Variants in GRIK4 observed in about 807,000 individuals in gnomAD.
GRIK4 encodes the protein glutamate receptor ionotropic, kainate 4.
A neutral mutation model predicts 104.9 loss-of-function variants in GRIK4; 40 were observed. That is an observed-to-expected ratio of 0.38 (90% CI 0.30 to 0.50). The LOEUF is 0.50. Among genes scored for constraint, GRIK4 ranks in the 20% least tolerant of loss-of-function variants. GRIK4 has a pLI of 0.93. For synonymous variants in GRIK4, 485 were observed against 524.9 expected (o/e 0.92, Z 1.04); for missense variants, 1,047 against 1,308.1 (o/e 0.80, Z 3.08).
chr11:120,620,168 C>A, intron 1 of GRIK4: 1 of 840,872 alleles, frequency 1.2e-6, no homozygotes, highest in South Asian at 1.3e-5. Flanking sequence ...AATGCATGTT[C>A]TCTTTTTACA....
chr11:120,572,573 C>T (rs1397358868), intron 1 of GRIK4, among the ~76,000 whole-genome samples: 2 of 152,176 alleles, frequency 1.3e-5, no homozygotes, highest in African/African-American at 4.8e-5. Context: ...TGTCTGGGCT[C>T]TTTCTCTCCC....
intron 3 of GRIK4, among the ~76,000 whole-genome samples, chr11:120,664,939 T>C (rs949812689): frequency 6.6e-6 from 1 of 152,018 alleles, no homozygotes; most frequent in African/African-American, 2.4e-5. Flanking sequence ...GGTTTCCCTG[T>C]GTGGTAAAGC....
intron 4 of GRIK4, among the ~76,000 whole-genome samples, chr11:120,803,390 C>G (rs1255537393): frequency 6.6e-6 from 1 of 152,122 alleles, no homozygotes; most frequent in African/African-American, 2.4e-5. Context: ...GAATACTAGG[C>G]TCTATTTTGC....
chr11:120,981,536 C>T (rs1944652504), intron 19 of GRIK4, among the ~76,000 whole-genome samples: 2 of 152,282 alleles, frequency 1.3e-5, no homozygotes, highest in Middle Eastern at 3.4e-3. Flanking sequence ...AGTCAGCTTT[C>T]TAGGCAGTTC....
intron 1 of GRIK4, among the ~76,000 whole-genome samples, chr11:120,551,654 G>C (rs1309081431): frequency 1.3e-5 from 2 of 152,018 alleles, no homozygotes; most frequent in Non-Finnish European, 2.9e-5. Context: ...GGTGGTGGGC[G>C]CCTTTAGTCC....
intron 3 of GRIK4, among the ~76,000 whole-genome samples, chr11:120,681,684 TAA>T (rs1950195495): frequency 6.6e-6 from 1 of 152,190 alleles, no homozygotes; most frequent in Admixed American, 6.5e-5. Flanking sequence ...TGGATTTTAA[TAA>T]AGTTTCCAGC....
At chr11:120,576,933 G>A (rs964058640) in intron 1 of GRIK4, among the ~76,000 whole-genome samples, 1 of 152,324 alleles carries the variant, frequency 6.6e-6, no homozygotes. Context: ...GAGCTGGAAG[G>A]ACTCAGCTCC....
intron 1 of GRIK4, among the ~76,000 whole-genome samples, chr11:120,529,658 G>T (rs1947902665): frequency 6.6e-6 from 1 of 152,242 alleles, no homozygotes; most frequent in Admixed American, 6.5e-5. Flanking sequence ...AGGTGGAGAT[G>T]ATTTCAATGT....
intron 3 of GRIK4, among the ~76,000 whole-genome samples, chr11:120,671,206 G>C (rs1476212469): frequency 6.6e-6 from 1 of 152,120 alleles, no homozygotes; most frequent in Non-Finnish European, 1.5e-5. Context: ...ATAATCCTTT[G>C]GGTATATACC....
intron 1 of GRIK4, among the ~76,000 whole-genome samples, chr11:120,565,346 A>G (rs997162260): frequency 1.3e-5 from 2 of 152,254 alleles, no homozygotes; most frequent in Admixed American, 6.5e-5. Context: ...CCCACTTTCC[A>G]GTGAGCTGCT....
intron 3 of GRIK4, among the ~76,000 whole-genome samples, chr11:120,742,327 C>G (rs1951347111): frequency 7.9e-6 from 1 of 126,658 alleles, no homozygotes; most frequent in Non-Finnish European, 1.6e-5. Flanking sequence ...GTCTGGGCCA[C>G]AGAGCAAGAC....
intron 1 of GRIK4, among the ~76,000 whole-genome samples, chr11:120,556,714 C>T (rs563643171): frequency 6.6e-5 from 10 of 152,294 alleles, no homozygotes; most frequent in African/African-American, 2.4e-4. Flanking sequence ...ACCCTCCTGT[C>T]ACCTCCTGCA....
intron 15 of GRIK4, among the ~76,000 whole-genome samples, chr11:120,954,094 G>A (rs1474446478): frequency 6.6e-6 from 1 of 152,080 alleles, no homozygotes; most frequent in Non-Finnish European, 1.5e-5. Context: ...GGGCACTTGG[G>A]GATGGAGCTG....
chr11:120,542,922 A>G (rs567407174), intron 1 of GRIK4, among the ~76,000 whole-genome samples: 1 of 152,368 alleles, frequency 6.6e-6, no homozygotes, highest in Admixed American at 6.5e-5. Flanking sequence ...AGCACAGCCT[A>G]GGCTCCCAGC....
intron 1 of GRIK4, chr11:120,564,520 G>A (rs893144184): frequency 6.6e-6 from 1 of 152,230 alleles, no homozygotes; most frequent in African/African-American, 2.4e-5. Context: ...GGAGACGGGT[G>A]CCTCCCAGAG....
intron 8 of GRIK4, among the ~76,000 whole-genome samples, chr11:120,841,876 G>A (rs1479682870): frequency 1.3e-5 from 2 of 152,108 alleles, no homozygotes; most frequent in Non-Finnish European, 2.9e-5. Flanking sequence ...GAAGAAGCAA[G>A]ACCACGTGAC....
intron 3 of GRIK4, among the ~76,000 whole-genome samples, chr11:120,751,421 C>T (rs1565331409): frequency 1.3e-5 from 2 of 152,176 alleles, no homozygotes; most frequent in Non-Finnish European, 2.9e-5. Context: ...GAAGTCCTAT[C>T]GGTAGCTTTA....
In GRIK4 at chr11:120,595,522, G is replaced by A. The variant is rs1247810194; in HGVS notation, c.-158-58163G>A. On this transcript the variant is annotated intron_variant, in intron 1 of 20. Transcript: ENST00000527524. ...CACCACCTGTTTACTGACTGAGGGCGTGAATGGAGGAGTGGTGCTCATCTT... is the reference window on the plus strand; with the variant it reads ...CACCACCTGTTTACTGACTGAGGGCATGAATGGAGGAGTGGTGCTCATCTT... Among the ~76,000 whole-genome samples, 7 of 152,234 alleles carry A rather than the reference G, an allele frequency of 4.6e-5. No homozygotes were observed. In the East Asian group the frequency reaches 5.8e-4, roughly 13 times the overall value.
In GRIK4 at chr11:120,957,591, A is replaced by ATGTGTG. The variant is rs72064502; in HGVS notation, c.1874+668_1874+673dup. ...TGGGGGCAAAGGAAAGACAAAACAA[A>ATGTGTG]TGTGTGTGTGTGTGTGTGTGTGTGT... is the stretch of plus-strand genomic sequence containing the variant. On this transcript the variant is annotated intron_variant, in intron 16 of 20. Transcript: ENST00000527524. Among the ~76,000 whole-genome samples, 546 of 136,526 alleles carry ATGTGTG rather than the reference A, an allele frequency of 4.0e-3. 4 individuals are homozygous for ATGTGTG. Among genetic ancestry groups the ATGTGTG allele is most frequent in the Admixed American group, 5.6e-3 (79 of 14,100 alleles). 89.6% of individuals were successfully genotyped at this position (136,526 alleles called of 152,430 possible).
Sources: allele counts gnomAD v4.1 joint callset (sites outside exome capture counted in the v4.1 genomes callset), GRCh38; gene constraint gnomAD v4.1.1; transcripts MANE v1.5; gene names NCBI Gene and HGNC (gene_info 2026-07-23, HGNC 2026-07-21).